Variants in MYO9B observed in about 807,000 individuals in gnomAD.
MYO9B encodes the protein myosin IXB, also known as unconventional myosin-IXb.
Under a neutral mutation model 229.5 loss-of-function variants are expected in MYO9B, and 71 were observed. The ratio of observed to expected loss-of-function variants is 0.31; its 90% CI spans 0.26 to 0.38. MYO9B has a LOEUF of 0.38. MYO9B is among the 10% of genes least tolerant of loss of function. The pLI is 1.00. For missense variants in MYO9B, 2,255 were observed against 2,920.5 expected (o/e 0.77, Z 5.25); for synonymous variants, 1,185 against 1,235.8 (o/e 0.96, Z 0.86).
intron 3 of MYO9B, among the ~76,000 whole-genome samples, chr19:17,151,986 G>A (rs1194181560): frequency 6.6e-6 from 1 of 151,978 alleles, no homozygotes; most frequent in Non-Finnish European, 1.5e-5. Flanking sequence ...TCAGGAGTTC[G>A]AGACCAGCCT....
chr19:17,161,863 C>A (rs1470590156), intron 8 of MYO9B, among the ~76,000 whole-genome samples: 6 of 151,732 alleles, frequency 4.0e-5, no homozygotes, highest in Non-Finnish European at 1.5e-5. Flanking sequence ...GTGTTGTGCG[C>A]CATAGCCCCA....
intron 19 of MYO9B, among the ~76,000 whole-genome samples, chr19:17,190,407 T>A (rs2072969809): frequency 6.8e-6 from 1 of 146,184 alleles, no homozygotes; most frequent in Non-Finnish European, 1.5e-5. Flanking sequence ...CTGGTCTCAT[T>A]GGTTGAGCTC....
At chr19:17,092,096 G>A (rs1024253311) in intron 1 of MYO9B, among the ~76,000 whole-genome samples, 1 of 152,222 alleles carries the variant, frequency 6.6e-6, no homozygotes, top group Non-Finnish European at 1.5e-5. Context: ...AGCATCAGCC[G>A]TCCCCTCAGT....
rs144720133 is a variant in MYO9B, at chr19:17,121,757, G to A, written c.840+19200G>A. 1.7e-3 allele frequency among the ~76,000 whole-genome samples: 258 copies of A among 152,262 alleles called. 3 individuals are homozygous for A. Among genetic ancestry groups the A allele is most frequent in the African/African-American group, 5.0e-3 (209 of 41,562 alleles). The stretch of plus-strand genomic sequence containing the variant: ...TTCCAGCACTATGGGAGGCTGAGGC[G>A]GTTGGATTGCTTGAGGTCAGGAGTT... On this transcript the variant is annotated intron_variant, in intron 2 of 39. Transcript: ENST00000682292.
intron 2 of MYO9B, among the ~76,000 whole-genome samples, chr19:17,114,345 C>G (rs2057879181): frequency 6.6e-6 from 1 of 152,160 alleles, no homozygotes; most frequent in Non-Finnish European, 1.5e-5. Context: ...GGCGTTCTCC[C>G]TCGTCCCTTG....
At chr19:17,095,186 T>C (rs2057675787) in intron 1 of MYO9B, among the ~76,000 whole-genome samples, 1 of 152,100 alleles carries the variant, frequency 6.6e-6, no homozygotes, top group Admixed American at 6.6e-5. Context: ...AAGGTTACAG[T>C]GAGCCAGGGT....
chr19:17,079,619 C>T (rs2057516733), intron 1 of MYO9B, among the ~76,000 whole-genome samples: 2 of 152,188 alleles, frequency 1.3e-5, no homozygotes, highest in Admixed American at 6.5e-5. Context: ...AATTTTTGTT[C>T]TTGGTCCATC....
intron 14 of MYO9B, among the ~76,000 whole-genome samples, chr19:17,176,314 G>A (rs879748098): frequency 2.0e-5 from 3 of 152,120 alleles, no homozygotes; most frequent in Non-Finnish European, 2.9e-5. Flanking sequence ...GGGATTACAG[G>A]CGTGAGCCAC....
intron 9 of MYO9B, among the ~76,000 whole-genome samples, chr19:17,162,678 C>T (rs533758131): frequency 2.0e-5 from 3 of 152,130 alleles, no homozygotes; most frequent in South Asian, 2.1e-4. Flanking sequence ...TATTCAAAAA[C>T]GACAGATTCT....
In MYO9B at chr19:17,153,926, C is replaced by T. The variant is rs998344610; in HGVS notation, c.999-41C>T. On this transcript the variant is annotated intron_variant, in intron 4 of 39. Transcript: ENST00000682292. ...GGTTCGCAGAGTAGCTATTACTTGG[C>T]CTCCAAAAACAACTATTTTCCTCCC... 2.0e-6 allele frequency: 3 copies of T among 1,495,758 alleles called. No individual in the cohort carries two copies. In the African/African-American group the frequency reaches 4.1e-5, roughly 21 times the overall value. 92.7% of individuals were successfully genotyped at this position (1,495,758 alleles called of 1,614,324 possible).
intron 2 of MYO9B, among the ~76,000 whole-genome samples, chr19:17,130,241 C>T (rs1041555738): frequency 3.9e-5 from 6 of 151,906 alleles, no homozygotes; most frequent in African/African-American, 1.2e-4. Context: ...GAGGCTGAGG[C>T]GGGTGAATCA....
chr19:17,181,101 A>T, intron 15 of MYO9B, 61 bp downstream of exon 15: 1 of 1,229,466 alleles, frequency 8.1e-7, no homozygotes, highest in Non-Finnish European at 1.2e-6. Context: ...TACTCCTGCG[A>T]CCCCGGCGGG....
intron 2 of MYO9B, among the ~76,000 whole-genome samples, chr19:17,143,148 A>G (rs1288694884): frequency 6.6e-6 from 1 of 152,128 alleles, no homozygotes; most frequent in African/African-American, 2.4e-5. Context: ...GTGAGGCACG[A>G]GAATCGCTTG....
At chr19:17,164,042 T>C (rs1159871321) in intron 10 of MYO9B, among the ~76,000 whole-genome samples, 1 of 152,246 alleles carries the variant, frequency 6.6e-6, no homozygotes, top group Non-Finnish European at 1.5e-5. Flanking sequence ...TTTAACTTTT[T>C]TGAAGAACCA....
chr19:17,194,459 G>A (rs1410870184), intron 21 of MYO9B, 97 bp from the exon 22 acceptor site: 42 of 1,394,898 alleles, frequency 3.0e-5, no homozygotes, highest in Middle Eastern at 2.0e-4. Flanking sequence ...GCGAAGCCCC[G>A]TCTGCAGCCC....
intron 2 of MYO9B, among the ~76,000 whole-genome samples, chr19:17,135,039 C>T (rs574047312): frequency 5.1e-4 from 77 of 152,270 alleles, no homozygotes; most frequent in African/African-American, 1.8e-3. Context: ...GCTAGGATTA[C>T]AGGAGTGAGC....
intron 30 of MYO9B, among the ~76,000 whole-genome samples, chr19:17,204,548 T>C (rs1599425030): frequency 6.6e-6 from 1 of 151,634 alleles, no homozygotes; most frequent in Non-Finnish European, 1.5e-5. Context: ...GCAGTGTGGG[T>C]TTAGAAGTTG....
chr19:17,082,883 G>A (rs377249311), intron 1 of MYO9B, among the ~76,000 whole-genome samples: 52 of 152,186 alleles, frequency 3.4e-4, no homozygotes, highest in African/African-American at 1.2e-3. Context: ...GGCCTGAACC[G>A]GGGCAGGTAC....
chr19:17,179,831 G>C (rs1427251592), intron 14 of MYO9B, among the ~76,000 whole-genome samples: 1 of 150,406 alleles, frequency 6.6e-6, no homozygotes, highest in Non-Finnish European at 1.5e-5. Context: ...CCTGGAAAGT[G>C]GAGGTTGCAG....
Sources: gnomAD v4.1 joint callset for allele counts (sites outside exome capture counted in the v4.1 genomes callset) on GRCh38, gnomAD v4.1.1 for gene constraint, MANE v1.5 for transcripts, NCBI Gene and HGNC (gene_info 2026-07-23, HGNC 2026-07-21) for gene names.